The following PCDHGA2 variants were observed in gnomAD, a reference collection of about 807,000 sequenced individuals.
PCDHGA2 encodes protocadherin gamma subfamily A, 2, also known as protocadherin gamma-A2.
Under a neutral mutation model 59.2 loss-of-function variants are expected in PCDHGA2, and 40 were observed. The ratio of observed to expected loss-of-function variants is 0.68; its 90% CI spans 0.52 to 0.88. The LOEUF (loss-of-function observed/expected upper bound fraction) is 0.88, where lower values mean the gene tolerates loss of function less well. Among genes scored for constraint, PCDHGA2 ranks in the 40% least tolerant of loss-of-function variants. The probability of loss-of-function intolerance (pLI) is 0.00; values close to 1 mark genes in which losing one functional copy is unlikely to be tolerated. For missense variants in PCDHGA2, 1,226 were observed against 1,204.0 expected (o/e 1.02, Z -0.27); for synonymous variants, 560 against 526.0 (o/e 1.06, Z -0.89).
chr5:141,510,472 G>A (rs1209464436), intron 3 of PCDHGA2, among the ~76,000 whole-genome samples: 7 of 152,102 alleles, frequency 4.6e-5, no homozygotes, highest in Non-Finnish European at 1.0e-4. Context: ...GGAGTCAGAG[G>A]CTCCCTTGAG....
intron 1 of PCDHGA2, chr5:141,388,229 C>A (rs1041340259): frequency 1.7e-5 from 27 of 1,606,864 alleles, no homozygotes; most frequent in Non-Finnish European, 2.2e-5. Context: ...ATCCACTGAA[C>A]TTTTATCACG....
At chr5:141,383,526 C>T in intron 1 of PCDHGA2, 1 of 1,612,534 alleles carries the variant, frequency 6.2e-7, no homozygotes, top group Non-Finnish European at 8.5e-7. Flanking sequence ...GGGTTCACCA[C>T]CTGGTCCTCA....
intron 1 of PCDHGA2, chr5:141,399,271 T>C: frequency 1.2e-6 from 2 of 1,613,926 alleles, no homozygotes; most frequent in Non-Finnish European, 1.7e-6. Flanking sequence ...TAATTGTCAA[T>C]TACAAGGCGA....
At chr5:141,395,437 G>T in intron 1 of PCDHGA2, 1 of 668,370 alleles carries the variant, frequency 1.5e-6, no homozygotes, top group Non-Finnish European at 2.4e-6. Context: ...TAAACGACTT[G>T]GAAAAGATTG....
intron 1 of PCDHGA2, chr5:141,361,370 G>T: frequency 2.5e-6 from 4 of 1,613,942 alleles, no homozygotes; most frequent in Non-Finnish European, 3.4e-6. Flanking sequence ...GCTCTGGACC[G>T]GGAGGAGATC....
At chr5:141,366,022 C>T in intron 1 of PCDHGA2, 1 of 1,614,248 alleles carries the variant, frequency 6.2e-7, no homozygotes, top group Non-Finnish European at 8.5e-7. Context: ...AGATCCTGTA[C>T]CCCGCCCTCC....
At chr5:141,360,458 C>G (rs532873096) in intron 1 of PCDHGA2, 16 of 1,613,856 alleles carry the variant, frequency 9.9e-6, no homozygotes, top group Non-Finnish European at 1.4e-5. Flanking sequence ...GATTTCGATA[C>G]TGTCGCTGAA....
intron 1 of PCDHGA2, chr5:141,423,758 G>GA: frequency 1.1e-5 from 4 of 366,840 alleles, no homozygotes; most frequent in South Asian, 8.5e-5. Flanking sequence ...TTTGGGGGGG[G>GA]GGTGGGGCGG....
intron 1 of PCDHGA2, chr5:141,392,803 G>A: frequency 6.4e-7 from 1 of 1,573,156 alleles, no homozygotes. Context: ...GGATTCTGCA[G>A]CAAAACAACA....
chr5:141,357,153 GC>G, intron 1 of PCDHGA2: 12 of 1,613,624 alleles, frequency 7.4e-6, no homozygotes, highest in Non-Finnish European at 1.0e-5. Context: ...ACCATGGCCA[GC>G]CCCCTCTCTC....
Position 141,490,192 on chromosome 5 carries a change from A to C in PCDHGA2, c.2425-4615A>C. 1 of 1,614,182 alleles carries C rather than the reference A, an allele frequency of 6.2e-7. No homozygotes were observed. Among genetic ancestry groups the C allele is most frequent in the South Asian group, 1.1e-5 (1 of 91,082 alleles). On this transcript the variant is annotated intron_variant, in intron 1 of 3. Coordinates refer to ENST00000394576, the MANE Select transcript of PCDHGA2 (RefSeq NM_018915.4). The surrounding 1 kb of genome is among the most constrained non-coding windows in gnomAD (Gnocchi z 5.4). Reference sequence around the variant, plus strand: ...CTTTGAGGAGTCACGTTTCTATGAAATTCATGCAAGAGCCCGTGACCAGGG... The same window carrying C: ...CTTTGAGGAGTCACGTTTCTATGAACTTCATGCAAGAGCCCGTGACCAGGG...
chr5:141,394,961 G>A, intron 1 of PCDHGA2: 1 of 1,613,920 alleles, frequency 6.2e-7, no homozygotes, highest in Non-Finnish European at 8.5e-7. Flanking sequence ...GGCTCAGGCT[G>A]AGGCGCTGGC....
intron 1 of PCDHGA2, chr5:141,362,328 C>A: frequency 6.2e-7 from 1 of 1,614,068 alleles, no homozygotes; most frequent in Non-Finnish European, 8.5e-7. Context: ...AGCCTGGTCT[C>A]AGCTCCAAGC....
intron 1 of PCDHGA2, chr5:141,416,678 G>T (rs2096051953): frequency 6.6e-6 from 1 of 151,990 alleles, no homozygotes; most frequent in Non-Finnish European, 1.5e-5. Flanking sequence ...TGCAACGAAG[G>T]GAAATTATAT....
At chr5:141,376,223 C>T (rs1772425823) in intron 1 of PCDHGA2, 1 of 1,614,084 alleles carries the variant, frequency 6.2e-7, no homozygotes, top group Non-Finnish European at 8.5e-7. Context: ...GCTGCTGGCG[C>T]TCAGACTGCA....
intron 1 of PCDHGA2, chr5:141,346,068 G>C (rs201885897): frequency 1.2e-6 from 2 of 1,613,588 alleles, no homozygotes; most frequent in East Asian, 4.5e-5. Flanking sequence ...GGGCAGCCTC[G>C]AGCCCTCCGC....
chr5:141,399,872 A>G (rs759178048), intron 1 of PCDHGA2: 2 of 1,612,652 alleles, frequency 1.2e-6, no homozygotes, highest in Non-Finnish European at 1.7e-6. Flanking sequence ...GAGCCCGGCT[A>G]CCTGGTGACC....
rs55729045 is a variant in PCDHGA2 at position 141,395,542 on chromosome 5, TTGTGTGTGTGTGTG to T, written c.2424+54183_2424+54196del. ...TCCATACTGGTAATTTTGCTATTGT[TTGTGTGTGTGTGTG>T]TGTGTGTGTGTGTGTGTGTGTGTGT... On this transcript the variant is annotated intron_variant, in intron 1 of 3. Transcript: ENST00000394576. The T allele has an allele frequency of 6.1e-4, 106 of 172,624 alleles. 1 individual carries two copies. Among genetic ancestry groups the T allele is most frequent in the South Asian group, 8.7e-4 (10 of 11,526 alleles). The allele number at this position is 172,624 out of a possible 1,614,324, so 10.7% of individuals were successfully genotyped here.
chr5:141,421,695 T>C (rs374319762), intron 1 of PCDHGA2: 15 of 1,613,840 alleles, frequency 9.3e-6, no homozygotes, highest in Non-Finnish European at 1.2e-5. Context: ...TTGCTCTTCC[T>C]AATGCTAGGG....
Sources: gnomAD v4.1 joint callset for allele counts (sites outside exome capture counted in the v4.1 genomes callset) on GRCh38, gnomAD v4.1.1 for gene constraint, Gnocchi (gnomAD v3.1) non-coding constraint, MANE v1.5 for transcripts, NCBI Gene and HGNC (gene_info 2026-07-23, HGNC 2026-07-21) for gene names.